SHROOM4: variants seen among roughly 807,000 people sequenced by gnomAD.
SHROOM4 encodes shroom family member 4.
In SHROOM4, 17 loss-of-function variants were observed where a neutral mutation model predicts 80.3. The observed-to-expected ratio is 0.21, with a 90% CI of 0.14 to 0.32. SHROOM4 has a LOEUF of 0.32. Among genes scored for constraint, SHROOM4 ranks in the 10% least tolerant of loss-of-function variants. SHROOM4 has a pLI of 1.00. For synonymous variants in SHROOM4, 400 were observed against 437.5 expected, an observed-to-expected ratio of 0.91 and a Z score of 1.07; for missense variants, 993 against 1,140.3, an observed-to-expected ratio of 0.87 and a Z score of 1.86.
In SHROOM4 at chrX:50,588,572, C is replaced by A. The variant is rs1401290919; in HGVS notation, c.*8123G>T. ...ACCTACGTGGTGTGGGTTCCAGTGT[C>A]CAGGCTTGGAACTGCCTCTGTAAGA... is the stretch of plus-strand genomic sequence containing the variant. On this transcript the variant is annotated 3_prime_UTR_variant, in exon 9 of 9. Coordinates refer to ENST00000376020, the MANE Select transcript of SHROOM4 (RefSeq NM_020717.5). Among the ~76,000 whole-genome samples the A allele has an allele frequency of 9.0e-6, 1 of 111,683 alleles. No homozygotes were observed. The highest frequency in any genetic ancestry group is 1.9e-5 in the Non-Finnish European group (1 of 53,166).
intron 2 of SHROOM4, among the ~76,000 whole-genome samples, chrX:50,677,410 T>C (rs1210530562): frequency 1.8e-5 from 2 of 111,318 alleles, no homozygotes; most frequent in Admixed American, 1.9e-4. Context: ...AACACCGATA[T>C]CTAGGATTTT....
chrX:50,751,261 T>C (rs782784418), intron 1 of SHROOM4, among the ~76,000 whole-genome samples: 15 of 111,653 alleles, frequency 1.3e-4, no homozygotes, highest in African/African-American at 1.6e-4. Context: ...AAATTATTGC[T>C]CCTAGGGTGA....
chrX:50,716,606 A>G (rs1408543102), intron 1 of SHROOM4, among the ~76,000 whole-genome samples: 2 of 112,128 alleles, frequency 1.8e-5, no homozygotes, highest in Non-Finnish European at 3.8e-5. Context: ...AAATATTTTA[A>G]CAACTGCCAT....
At chrX:50,704,908 C>T (rs1407646009) in intron 1 of SHROOM4, among the ~76,000 whole-genome samples, 1 of 111,599 alleles carries the variant, frequency 9.0e-6, no homozygotes, top group Non-Finnish European at 1.9e-5. Context: ...AGACCTCTGA[C>T]CAGTGGGAGG....
intron 1 of SHROOM4, among the ~76,000 whole-genome samples, chrX:50,811,606 GA>G (rs1266430936): frequency 9.0e-6 from 1 of 111,511 alleles, no homozygotes; most frequent in Admixed American, 9.5e-5. Flanking sequence ...AATCAAGGTT[GA>G]AAAATGAAGA....
At chrX:50,694,721 T>C (rs183208851) in intron 2 of SHROOM4, among the ~76,000 whole-genome samples, 108 of 108,342 alleles carry the variant, frequency 1.0e-3, no homozygotes, top group Non-Finnish European at 1.8e-3. Context: ...TTGTAGCTTT[T>C]GACAGAGTAG....
Position 50,638,337 on chromosome X carries a change from C to T in SHROOM4, c.270-29G>A, listed in dbSNP as rs1557256561. The stretch of plus-strand genomic sequence containing the variant: ...CAGCAAGAAAGGGACAGGAAGTGGG[C>T]TGAAGGAACCAGAGCTGAAATCACT... On this transcript the variant is annotated intron_variant, in intron 2 of 8. Transcript: ENST00000376020. The T allele has an allele frequency of 2.5e-6, 3 of 1,209,199 alleles. No individual in the cohort carries two copies. In the Admixed American group the frequency reaches 6.5e-5, roughly 26 times the overall value.
chrX:50,588,380 T>C lies in SHROOM4; in HGVS notation c.*8315A>G, dbSNP rs1928801710. ...GCTTTATAATAAAAGTTAACATTCA[T>C]TGGGTACTTATTGTCCTAAGTACTT... On this transcript the variant is annotated 3_prime_UTR_variant, in exon 9 of 9. Transcript: ENST00000376020. 1.8e-5 allele frequency among the ~76,000 whole-genome samples: 2 copies of C among 112,088 alleles called. No individual in the cohort carries two copies. The highest frequency in any genetic ancestry group is 3.7e-4 in the South Asian group (1 of 2,679).
At chrX:50,597,891 T>C (rs1302837912) in intron 8 of SHROOM4, among the ~76,000 whole-genome samples, 1 of 111,216 alleles carries the variant, frequency 9.0e-6, no homozygotes, top group Non-Finnish European at 1.9e-5. Flanking sequence ...CAGGCTGGAG[T>C]GCAGTGGCAC....
Position 50,749,782 on chromosome X carries a change from T to A in SHROOM4, c.118-53845A>T, listed in dbSNP as rs1371701587. 3.6e-5 allele frequency among the ~76,000 whole-genome samples: 4 copies of A among 111,740 alleles called. No individual in the cohort carries two copies. In the East Asian group the frequency reaches 1.1e-3, roughly 31 times the overall value. The stretch of plus-strand genomic sequence containing the variant: ...GATGTATGAGAAAGTGGTGAATCAA[T>A]TTCTTCATATTCTTGCTATGGAGAG... On this transcript the variant is annotated intron_variant, in intron 1 of 8. Transcript: ENST00000376020.
At chrX:50,576,601 T>TTGTG in the SHROOM4 span, among the ~76,000 whole-genome samples, 5 of 109,771 alleles carry the variant, frequency 4.6e-5, no homozygotes, top group Non-Finnish European at 7.6e-5. Context: ...GTCTTCCATT[T>TTGTG]TGTGTGTGTG....
chrX:50,684,368 A>T (rs1933013604), intron 2 of SHROOM4, among the ~76,000 whole-genome samples: 1 of 111,238 alleles, frequency 9.0e-6, no homozygotes, highest in Non-Finnish European at 1.9e-5. Flanking sequence ...GGAAGAATCA[A>T]GGAAGGACCC....
intron 2 of SHROOM4, among the ~76,000 whole-genome samples, chrX:50,664,146 A>C (rs782339552): frequency 8.9e-6 from 1 of 111,932 alleles, no homozygotes; most frequent in East Asian, 2.8e-4. Flanking sequence ...TGTCGGGTGA[A>C]GGTTATTACT....
At chrX:50,617,459 T>A (rs2147254640) in intron 5 of SHROOM4, among the ~76,000 whole-genome samples, 1 of 111,638 alleles carries the variant, frequency 9.0e-6, no homozygotes, top group East Asian at 2.8e-4. Flanking sequence ...CCTAGTTTAC[T>A]AAGGAGTTTA....
At chrX:50,772,940 A>G (rs931088708) in intron 1 of SHROOM4, among the ~76,000 whole-genome samples, 10 of 112,098 alleles carry the variant, frequency 8.9e-5, no homozygotes, top group Non-Finnish European at 1.7e-4. Flanking sequence ...ACAAACTCCA[A>G]GTTGAAATGT....
intron 1 of SHROOM4, among the ~76,000 whole-genome samples, chrX:50,713,828 C>A (rs1357644354): frequency 1.8e-5 from 2 of 111,607 alleles, no homozygotes; most frequent in Non-Finnish European, 3.8e-5. Context: ...AGCATGGTCC[C>A]ATTTGTCTAT....
chrX:50,631,006 GA>G (rs1354535625), intron 4 of SHROOM4, among the ~76,000 whole-genome samples: 2 of 111,169 alleles, frequency 1.8e-5, no homozygotes, highest in Non-Finnish European at 3.8e-5. Flanking sequence ...GAAAATAAAA[GA>G]GAAGGGAATA....
At position 50,695,935 on chromosome X, in the gene SHROOM4, A is replaced by T. The variant is rs782318543; in HGVS notation, c.120T>A (p.Ile40=). ...ACAAAGCTGCCTTGCCTCCATCTTC[A>T]ATCTGTGTTGCAGAGAACAAAACAG... is the stretch of plus-strand genomic sequence containing the variant. ...EHCEPLTVSK[I]EDGGKAALSQ... The change falls in exon 2 of 9, where the codon ATT becomes ATA. Residue 40 remains isoleucine, a splice_region_variant and synonymous_variant. Transcript: ENST00000376020. 8.3e-7 allele frequency: 1 copy of T among 1,211,681 alleles called. No homozygotes were observed.
At chrX:50,780,911 A>G (rs1000393295) in intron 1 of SHROOM4, among the ~76,000 whole-genome samples, 9 of 111,393 alleles carry the variant, frequency 8.1e-5, no homozygotes, top group African/African-American at 2.6e-4. Flanking sequence ...AAAAAGTTCC[A>G]TCATATGCCC....
Sources: gnomAD v4.1 joint callset for allele counts (sites outside exome capture counted in the v4.1 genomes callset) on GRCh38, gnomAD v4.1.1 for gene constraint, MANE v1.5 for transcripts, NCBI Gene and HGNC (gene_info 2026-07-23, HGNC 2026-07-21) for gene names.